SS18L1: variants seen among roughly 807,000 people sequenced by gnomAD.
SS18L1 encodes the protein SS18L1 subunit of BAF chromatin remodeling complex, also known as calcium-responsive transactivator.
Under a neutral mutation model 70.3 loss-of-function variants are expected in SS18L1, and 32 were observed. The observed-to-expected ratio is 0.46, with a 90% CI of 0.34 to 0.61. The LOEUF (loss-of-function observed/expected upper bound fraction) is 0.61. Among genes scored for constraint, SS18L1 ranks in the 20% least tolerant of loss-of-function variants. The pLI is 0.01. For missense variants in SS18L1, 430 were observed against 542.1 expected, an observed-to-expected ratio of 0.79 and a Z score of 2.05; for synonymous variants, 237 against 229.7, an observed-to-expected ratio of 1.03 and a Z score of -0.29.
chr20:62,173,596 G>A (rs546147420), intron 9 of SS18L1, among the ~76,000 whole-genome samples: 4 of 152,118 alleles, frequency 2.6e-5, no homozygotes, highest in Non-Finnish European at 5.9e-5. Flanking sequence ...TATAGTCCCA[G>A]CTACTCAGGA....
At chr20:62,175,234 A>G (rs761046705) in intron 10 of SS18L1, 6 of 985,022 alleles carry the variant, frequency 6.1e-6, no homozygotes, top group Non-Finnish European at 7.2e-6. Context: ...GGAGCTGAGG[A>G]AAGAGCAGCT....
At chr20:62,157,317 C>G (rs549073636) in intron 1 of SS18L1, among the ~76,000 whole-genome samples, 1 of 152,192 alleles carries the variant, frequency 6.6e-6, no homozygotes, top group African/African-American at 2.4e-5. Context: ...GGGAGTGCTC[C>G]GGAGCCCTCC....
chr20:62,167,077 A>T (rs1331661772), intron 8 of SS18L1, among the ~76,000 whole-genome samples: 1 of 103,376 alleles, frequency 9.7e-6, no homozygotes, highest in Non-Finnish European at 1.7e-5. Flanking sequence ...ACGGAGTCTC[A>T]CTCTGTCGCC....
chr20:62,163,127 C>A (rs1158855360), intron 5 of SS18L1, among the ~76,000 whole-genome samples, 196 bp downstream of exon 5: 1 of 152,314 alleles, frequency 6.6e-6, no homozygotes, highest in South Asian at 2.1e-4. Context: ...ACGATCAACT[C>A]CTCCTGTCCC....
At chr20:62,169,763 A>G (rs958693608) in intron 8 of SS18L1, among the ~76,000 whole-genome samples, 1 of 151,590 alleles carries the variant, frequency 6.6e-6, no homozygotes, top group Admixed American at 6.6e-5. Flanking sequence ...TGGGGCGGCA[A>G]AGCGAGACTC....
Position 62,174,474 on chromosome 20 carries a change from G to A in SS18L1, c.1037-43G>A, listed in dbSNP as rs368773050. 5.1e-6 allele frequency: 8 copies of A among 1,558,706 alleles called. No homozygotes were observed. In the African/African-American group the frequency reaches 9.7e-5, roughly 19 times the overall value. On this transcript the variant is annotated intron_variant, in intron 9 of 10. Coordinates refer to ENST00000331758, the MANE Select transcript of SS18L1 (RefSeq NM_198935.3). This position sits in a 1 kb window ranked among gnomAD's most constrained non-coding sequence, Gnocchi z 4.1. ...TAAGTTAAGAAAAAAAAAGAAAGAG[G>A]TGTCCGTTTTGGCCGGCCTCACGGT...
chr20:62,146,873 C>G (rs974152313), intron 1 of SS18L1, among the ~76,000 whole-genome samples: 10 of 152,074 alleles, frequency 6.6e-5, no homozygotes, highest in African/African-American at 2.4e-4. Context: ...CCCCCTCCCC[C>G]CCTTAGCCTC....
intron 10 of SS18L1, among the ~76,000 whole-genome samples, chr20:62,178,662 C>G (rs2057662392): frequency 6.6e-6 from 1 of 152,232 alleles, no homozygotes; most frequent in African/African-American, 2.4e-5. Context: ...ATCCTCCCAC[C>G]TCACCCTCCA....
In SS18L1 at chr20:62,159,625, G is replaced by A. The variant is rs1165697236; in HGVS notation, c.147-252G>A. 6.6e-6 allele frequency among the ~76,000 whole-genome samples: 1 copy of A among 152,070 alleles called. No homozygotes were observed. Among genetic ancestry groups the A allele is most frequent in the Non-Finnish European group, 1.5e-5 (1 of 68,004 alleles). Reference sequence around the variant, plus strand: ...GCTTCCGCTTAGCTGTTACCTTAGAGTCTTTCCAGAGTTTTTGTCATGGGT... The same window carrying A: ...GCTTCCGCTTAGCTGTTACCTTAGAATCTTTCCAGAGTTTTTGTCATGGGT... On this transcript the variant is annotated intron_variant, in intron 2 of 10. Transcript: ENST00000331758. The surrounding 1 kb of genome is among the most constrained non-coding windows in gnomAD (Gnocchi z 4.4).
rs1282557082 is a variant in SS18L1 at position 62,161,358 on chromosome 20, C to G, written c.232-78C>G. 1.2e-6 allele frequency: 2 copies of G among 1,608,276 alleles called. No individual in the cohort carries two copies. Among genetic ancestry groups the G allele is most frequent in the Non-Finnish European group, 1.7e-6 (2 of 1,176,904 alleles). ...TGTGGCGGCAAATCTCGGGTGCCCT[C>G]TCATCCCTGGCCTGGCTTGTGGAGG... is the stretch of plus-strand genomic sequence containing the variant. On this transcript the variant is annotated intron_variant, in intron 3 of 10. Transcript: ENST00000331758. This position sits in a 1 kb window ranked among gnomAD's most constrained non-coding sequence, Gnocchi z 4.4.
At chr20:62,156,508 G>A (rs1406000089) in intron 1 of SS18L1, among the ~76,000 whole-genome samples, 6 of 152,196 alleles carry the variant, frequency 3.9e-5, no homozygotes, top group African/African-American at 4.8e-5. Context: ...GAGTGGAAAG[G>A]GGGAAGGTAT....
rs2057188853 is a variant in SS18L1, at chr20:62,154,551, CA to C, written c.70-4120del. On this transcript the variant is annotated intron_variant, in intron 1 of 10. Transcript: ENST00000331758. The stretch of plus-strand genomic sequence containing the variant: ...CCGTTGGGACTGGGTCATCACACCT[CA>C]GGGGGTGTCCCTTGGTATGGGACAC... 8 of 1,014,308 alleles carry C rather than the reference CA, an allele frequency of 7.9e-6. No individual in the cohort carries two copies. The African/African-American group carries it at 1.4e-4, about 17-fold the overall frequency. 62.8% of individuals were successfully genotyped at this position (1,014,308 alleles called of 1,614,324 possible). A position where few individuals can be genotyped will look rare whatever the true frequency, so the allele number is the denominator to read the frequency against.
At chr20:62,175,827 C>G (rs1337886959) in intron 10 of SS18L1, among the ~76,000 whole-genome samples, 3 of 152,238 alleles carry the variant, frequency 2.0e-5, no homozygotes, top group African/African-American at 7.2e-5. Flanking sequence ...CACAGTCTCC[C>G]TGCCAGGGCA....
chr20:62,146,709 T>G (rs908227565), intron 1 of SS18L1, among the ~76,000 whole-genome samples: 6 of 139,558 alleles, frequency 4.3e-5, no homozygotes, highest in African/African-American at 1.6e-4. Flanking sequence ...CCCGCCCACG[T>G]TCAAGGTTCA....
chr20:62,151,139 C>A (rs1220265959), intron 1 of SS18L1, among the ~76,000 whole-genome samples: 2 of 152,094 alleles, frequency 1.3e-5, no homozygotes, highest in Admixed American at 6.5e-5. Context: ...TGCTGAGAGC[C>A]CCTCACCCAG....
At chr20:62,154,234 G>A in intron 1 of SS18L1, 1 of 789,188 alleles carries the variant, frequency 1.3e-6, no homozygotes, top group Non-Finnish European at 1.6e-6. Flanking sequence ...GACCATGTCT[G>A]TTGAGAACCA....
intron 5 of SS18L1, 94 bp downstream of exon 5, chr20:62,163,025 C>T (rs958510787): frequency 1.3e-6 from 2 of 1,496,900 alleles, no homozygotes; most frequent in Non-Finnish European, 9.0e-7. Flanking sequence ...GGGGAAGCTG[C>T]CCTCCTGCTG....
Position 62,158,660 on chromosome 20 carries a change from C to G in SS18L1, c.70-12C>G. 1 of 1,612,062 alleles carries G rather than the reference C, an allele frequency of 6.2e-7. No homozygotes were observed. ...CCCGCGTCGGCAGCGCCCGCTCACG[C>G]TCTCTCCGCAGATGCTGGACGAGAA... On this transcript the variant is annotated splice_polypyrimidine_tract_variant and intron_variant, in intron 1 of 10. Transcript: ENST00000331758. This position sits in a 1 kb window ranked among gnomAD's most constrained non-coding sequence, Gnocchi z 4.5.
rs971542931 is a variant in SS18L1 at position 62,179,757 on chromosome 20, T to C, written c.*549T>C. ...ATCTTCTGTGCGTTGGGTCAGTTTC[T>C]GTTACGTAACGAAAAGGATAAACAT... On this transcript the variant is annotated 3_prime_UTR_variant, in exon 11 of 11. Coordinates refer to ENST00000331758, the MANE Select transcript of SS18L1 (RefSeq NM_198935.3). 2.2e-5 allele frequency: 5 copies of C among 232,122 alleles called. No homozygotes were observed. The highest frequency in any genetic ancestry group is 4.3e-5 in the Non-Finnish European group (5 of 117,486). The allele number at this position is 232,122 out of a possible 1,614,324, so 14.4% of individuals were successfully genotyped here. A position where few individuals can be genotyped will look rare whatever the true frequency, so the allele number is the denominator to read the frequency against.
Sources: allele counts gnomAD v4.1 joint callset (sites outside exome capture counted in the v4.1 genomes callset), GRCh38; gene constraint gnomAD v4.1.1; non-coding constraint Gnocchi (gnomAD v3.1); transcripts MANE v1.5; gene names NCBI Gene and HGNC (gene_info 2026-07-23, HGNC 2026-07-21).